The following REPS2 variants were observed in gnomAD, a reference collection of about 807,000 sequenced individuals.
REPS2 encodes ralBP1-associated Eps domain-containing protein 2.
A neutral mutation model predicts 53.6 loss-of-function variants in REPS2; 23 were observed. The ratio of observed to expected loss-of-function variants is 0.43; its 90% CI spans 0.31 to 0.61. The LOEUF (loss-of-function observed/expected upper bound fraction) is 0.61, where lower values mean the gene tolerates loss of function less well. Among genes scored for constraint, REPS2 ranks in the 20% least tolerant of loss-of-function variants. The pLI is 0.11. For synonymous variants in REPS2, 238 were observed against 218.6 expected (o/e 1.09, Z -0.78); for missense variants, 446 against 534.9 (o/e 0.83, Z 1.64).
At chrX:17,073,146 A>C (rs1324848199) in intron 11 of REPS2, among the ~76,000 whole-genome samples, 1 of 112,124 alleles carries the variant, frequency 8.9e-6, no homozygotes, top group African/African-American at 3.2e-5. Flanking sequence ...GCTTCATACC[A>C]AGGAGGGTTT....
intron 1 of REPS2, among the ~76,000 whole-genome samples, chrX:17,003,332 A>G (rs2061328547): frequency 8.9e-6 from 1 of 111,833 alleles, no homozygotes; most frequent in African/African-American, 3.3e-5. Flanking sequence ...AGGCAAAGAA[A>G]TGGGCATCTG....
At chrX:17,006,106 A>G (rs1038349729) in intron 1 of REPS2, 115 bp from the exon 2 acceptor site, 7 of 831,298 alleles carry the variant, frequency 8.4e-6, no homozygotes, top group African/African-American at 2.0e-5. Context: ...GAGGTTCTCA[A>G]GGGACTTTTT....
chrX:17,189,544 C>T, the REPS2 span, among the ~76,000 whole-genome samples: 11 of 111,418 alleles, frequency 9.9e-5, no homozygotes, highest in South Asian at 4.2e-3. Flanking sequence ...GCCTGGGCCT[C>T]CCAAAGTGCT....
chrX:17,007,795 A>G (rs1470540832), intron 2 of REPS2, among the ~76,000 whole-genome samples: 2 of 111,737 alleles, frequency 1.8e-5, no homozygotes, highest in Non-Finnish European at 3.8e-5. Flanking sequence ...AGTCTCTACT[A>G]TGGTTATGGC....
At chrX:17,163,921 C>G in the REPS2 span, among the ~76,000 whole-genome samples, 1 of 112,048 alleles carries the variant, frequency 8.9e-6, no homozygotes. Flanking sequence ...TATAAATATA[C>G]TTTGTTTGTA....
intron 1 of REPS2, among the ~76,000 whole-genome samples, chrX:16,951,500 T>TAC (rs1157042780): frequency 0.023 from 1,398 of 60,049 alleles, 37 homozygotes; most frequent in African/African-American, 0.045. Context: ...AAACCCCATC[T>TAC]ACACACACAC....
chrX:17,174,053 T>A, the REPS2 span, among the ~76,000 whole-genome samples: 1 of 110,408 alleles, frequency 9.1e-6, no homozygotes, highest in African/African-American at 3.3e-5. Flanking sequence ...AAAAAAAGAA[T>A]TGAGTTACTT....
downstream of REPS2, among the ~76,000 whole-genome samples, chrX:17,154,903 G>A (rs1168670810): frequency 9.0e-6 from 1 of 111,530 alleles, no homozygotes; most frequent in Non-Finnish European, 1.9e-5. Flanking sequence ...CAGATTATGA[G>A]GATTCAGGAA....
At chrX:17,130,602 A>G (rs2063279188) in intron 14 of REPS2, among the ~76,000 whole-genome samples, 1 of 111,614 alleles carries the variant, frequency 9.0e-6, no homozygotes, top group Non-Finnish European at 1.9e-5. Flanking sequence ...TGTTGCTCCC[A>G]CTAGACTTCA....
chrX:17,093,906 T>A (rs773019499), intron 13 of REPS2, among the ~76,000 whole-genome samples: 1 of 111,801 alleles, frequency 8.9e-6, no homozygotes, highest in South Asian at 3.8e-4. Context: ...TCTTATGAAA[T>A]TCTCACACCT....
chrX:17,005,702 A>C (rs917973428), intron 1 of REPS2, among the ~76,000 whole-genome samples: 6 of 112,143 alleles, frequency 5.4e-5, no homozygotes, highest in African/African-American at 1.3e-4. Context: ...AAAAATGTGT[A>C]TATACAACTT....
At chrX:17,103,837 C>T in intron 14 of REPS2, 58 bp downstream of exon 14, 1 of 1,072,728 alleles carries the variant, frequency 9.3e-7, no homozygotes, top group East Asian at 3.0e-5. Flanking sequence ...TGTCCTATCG[C>T]TGTGCTTCTT....
In REPS2 at chrX:16,974,570, G is replaced by A. The variant is rs549690511; in HGVS notation, c.273+27436G>A. ...TGAGGCAAGAGAATCGCTTGAACCC[G>A]GGAGGCAGAGGTTGCAGTGAGCCGA... On this transcript the variant is annotated intron_variant, in intron 1 of 17. Transcript: ENST00000357277. 4.3e-4 allele frequency among the ~76,000 whole-genome samples: 47 copies of A among 110,534 alleles called. No homozygotes were observed. The South Asian group carries it at 8.9e-3, about 21-fold the overall frequency.
chrX:17,056,032 CA>C (rs1256296954), intron 8 of REPS2, among the ~76,000 whole-genome samples: 1 of 109,912 alleles, frequency 9.1e-6, no homozygotes, highest in Non-Finnish European at 1.9e-5. Context: ...AAAAAAAAAA[CA>C]AAAAAACTTT....
chrX:16,987,340 A>G (rs1025987106), intron 1 of REPS2, among the ~76,000 whole-genome samples: 1 of 111,423 alleles, frequency 9.0e-6, no homozygotes, highest in Non-Finnish European at 1.9e-5. Flanking sequence ...AGAAGAAACA[A>G]TGGAAAGAGG....
chrX:16,960,204 A>G (rs1014294235), intron 1 of REPS2, among the ~76,000 whole-genome samples: 7 of 110,289 alleles, frequency 6.3e-5, no homozygotes, highest in African/African-American at 2.0e-4. Flanking sequence ...TCTCTACAAA[A>G]AATTAAAAAA....
rs1176651971 is a variant in REPS2 at position 16,970,642 on chromosome X, C to T, written c.273+23508C>T. On this transcript the variant is annotated intron_variant, in intron 1 of 17. Transcript: ENST00000357277. ...ACAACTATTTCCGGAATATTTTTGT[C>T]ACCCAAAAAAGAAACCCCATACTCA... is the stretch of plus-strand genomic sequence containing the variant. Among the ~76,000 whole-genome samples, 4 of 112,255 alleles carry T rather than the reference C, an allele frequency of 3.6e-5. No homozygotes were observed. The Admixed American group carries it at 3.8e-4, about 11-fold the overall frequency.
chrX:17,066,972 G>C (rs1357939583), intron 9 of REPS2, among the ~76,000 whole-genome samples: 2 of 112,240 alleles, frequency 1.8e-5, no homozygotes, highest in Non-Finnish European at 3.8e-5. Flanking sequence ...AAAAACAAAA[G>C]TATTGCTTAT....
intron 14 of REPS2, among the ~76,000 whole-genome samples, chrX:17,108,066 A>C (rs2062898535): frequency 9.0e-6 from 1 of 111,194 alleles, no homozygotes; most frequent in African/African-American, 3.3e-5. Flanking sequence ...GGCGTGTGCT[A>C]CTGTGCCCGG....
Sources: gnomAD v4.1 joint callset for allele counts (sites outside exome capture counted in the v4.1 genomes callset) on GRCh38, gnomAD v4.1.1 for gene constraint, MANE v1.5 for transcripts, NCBI Gene and HGNC (gene_info 2026-07-23, HGNC 2026-07-21) for gene names.